The following TNN variants were observed in gnomAD, a reference collection of about 807,000 sequenced individuals.
TNN encodes tenascin-N.
A neutral mutation model predicts 134.4 loss-of-function variants in TNN; 122 were observed. The ratio of observed to expected loss-of-function variants is 0.91; its 90% confidence interval spans 0.78 to 1.06. The LOEUF (loss-of-function observed/expected upper bound fraction) is 1.06. Ranked by LOEUF, TNN falls within the 50% of genes least tolerant of loss-of-function variation. The pLI is 0.00. For synonymous variants in TNN, 710 were observed against 670.3 expected, an observed-to-expected ratio of 1.06 and a Z score of -0.91; for missense variants, 1,739 against 1,699.4, an observed-to-expected ratio of 1.02 and a Z score of -0.41.
Position 175,077,709 on chromosome 1 carries a change from G to A in TNN, c.291G>A (p.Lys97=). ...RHNIRLQTPQ[K]DCELAGSVQD... ...ACATCCGCCTTCAGACGCCACAGAAGGACTGCGAGTTGGCAGGCAGTGTCC... is the reference window on the plus strand; with the variant it reads ...ACATCCGCCTTCAGACGCCACAGAAAGACTGCGAGTTGGCAGGCAGTGTCC... Residue 97 remains lysine, a synonymous_variant, in exon 2 of 19, where the codon AAG becomes AAA. Coordinates refer to ENST00000239462, the MANE Select transcript of TNN (RefSeq NM_022093.2). 1 of 1,614,240 alleles carries A rather than the reference G, an allele frequency of 6.2e-7. No individual in the cohort carries two copies. Among genetic ancestry groups the A allele is most frequent in the Non-Finnish European group, 8.5e-7 (1 of 1,180,048 alleles).
chr1:175,112,245 A>G (rs1675046138), intron 9 of TNN, among the ~76,000 whole-genome samples: 1 of 151,200 alleles, frequency 6.6e-6, no homozygotes, highest in Non-Finnish European at 1.5e-5. Flanking sequence ...TATTGAGATG[A>G]TATTTTTTTT....
intron 9 of TNN, among the ~76,000 whole-genome samples, chr1:175,100,710 TTG>T (rs1674700728): frequency 6.7e-6 from 1 of 149,206 alleles, no homozygotes; most frequent in East Asian, 1.9e-4. Flanking sequence ...GTTTTTTTTT[TTG>T]GTGAATGTAT....
In TNN at chr1:175,104,516, G is replaced by A. The variant is rs539355208; in HGVS notation, c.2119+5921G>A. On this transcript the variant is annotated intron_variant, in intron 9 of 18. Transcript: ENST00000239462. Reference sequence around the variant, plus strand: ...TAGTAAACCGCACTGATAACAAGCCGTACCAGGTGATTGGCCTGCTCCATT... The same window carrying A: ...TAGTAAACCGCACTGATAACAAGCCATACCAGGTGATTGGCCTGCTCCATT... Among the ~76,000 whole-genome samples, 17 of 145,812 alleles carry A rather than the reference G, an allele frequency of 1.2e-4. 1 individual carries two copies. Among genetic ancestry groups the A allele is most frequent in the Middle Eastern group, 7.0e-3 (2 of 284 alleles).
intron 6 of TNN, among the ~76,000 whole-genome samples, chr1:175,090,178 T>C (rs1674408653): frequency 6.6e-6 from 1 of 152,220 alleles, no homozygotes; most frequent in African/African-American, 2.4e-5. Context: ...AGACTCAGGG[T>C]GAGCTAGTGA....
chr1:175,144,072 G>A (rs912251461), intron 17 of TNN, among the ~76,000 whole-genome samples: 1 of 152,172 alleles, frequency 6.6e-6, no homozygotes, highest in Admixed American at 6.5e-5. Context: ...GTGCTCTTGT[G>A]TGTGGTGTGG....
chr1:175,084,547 A>G (rs1272706007), intron 5 of TNN, among the ~76,000 whole-genome samples: 2 of 152,198 alleles, frequency 1.3e-5, no homozygotes, highest in African/African-American at 2.4e-5. Context: ...AAGAAAAGTA[A>G]TACGCAATCA....
In TNN at chr1:175,128,155, C is replaced by T. The variant is rs372157573; in HGVS notation, c.3169C>T (p.Leu1057Phe). 6.2e-7 allele frequency: 1 copy of T among 1,605,496 alleles called. No homozygotes were observed. The highest frequency in any genetic ancestry group is 8.5e-7 in the Non-Finnish European group (1 of 1,175,944). The part of the protein sequence containing the change: ...GRRSRNVSTT[L>F]STVGARFPHP... ...CCGGAGCAGAAATGTATCCACCACC[C>T]TCTCCACAGGTAATATGGAATCCTG... Residue 1057 changes from leucine (L) to phenylalanine (F), a missense_variant, in exon 14 of 19, where the codon CTC becomes TTC. Physicochemically the swap from Leu to Phe is conservative, Grantham distance 22. Transcript: ENST00000239462.
At chr1:175,131,445 TC>T (rs1018965174) in intron 15 of TNN, among the ~76,000 whole-genome samples, 39 of 150,044 alleles carry the variant, frequency 2.6e-4, no homozygotes, top group African/African-American at 9.4e-4. Context: ...TGTTTGTTTT[TC>T]TCCCTTTGAA....
At chr1:175,089,307 G>A (rs945925680) in intron 6 of TNN, among the ~76,000 whole-genome samples, 2 of 152,198 alleles carry the variant, frequency 1.3e-5, no homozygotes, top group East Asian at 1.9e-4. Flanking sequence ...TTCATGTAAC[G>A]AGGCACCCAG....
At chr1:175,127,917 C>A in intron 13 of TNN, 115 bp from the exon 14 acceptor site, 1 of 1,298,722 alleles carries the variant, frequency 7.7e-7, no homozygotes, top group Non-Finnish European at 1.1e-6. Flanking sequence ...AGAGACAAAA[C>A]ACTGTGCTCT....
At chr1:175,120,915 C>A in intron 11 of TNN, among the ~76,000 whole-genome samples, 1 of 152,210 alleles carries the variant, frequency 6.6e-6, no homozygotes, top group East Asian at 1.9e-4. Context: ...ATCCTCCCAC[C>A]TTAGCTTCCC....
intron 10 of TNN, among the ~76,000 whole-genome samples, chr1:175,117,842 G>A (rs1675224155): frequency 6.6e-6 from 1 of 152,162 alleles, no homozygotes; most frequent in Admixed American, 6.5e-5. Flanking sequence ...ATAGCAGAGT[G>A]TACGTTGGCC....
chr1:175,120,327 T>C (rs1350281726), intron 11 of TNN, among the ~76,000 whole-genome samples: 1 of 152,106 alleles, frequency 6.6e-6, no homozygotes, highest in Non-Finnish European at 1.5e-5. Context: ...ATGAACATGG[T>C]GTAGGTATAG....
At chr1:175,146,714 T>C (rs1000186204) in intron 18 of TNN, among the ~76,000 whole-genome samples, 2 of 151,926 alleles carry the variant, frequency 1.3e-5, no homozygotes, top group African/African-American at 4.8e-5. Context: ...CCAAGTCCTC[T>C]CAGCCCGTCT....
At position 175,118,627 on chromosome 1, in the gene TNN, A is replaced by C; in HGVS notation, c.2453A>C (p.Asp818Ala). The stretch of plus-strand genomic sequence containing the variant: ...GAGAATACAGCCACTGTCTCCTGGG[A>C]CCCGGTGCAGGCCACCATTGACAGG... Reference protein sequence around the residue: ...VTENTATVSWDPVQATIDRYV... With the variant: ...VTENTATVSWAPVQATIDRYV... The change falls in exon 11 of 19, where the codon GAC (aspartate) becomes GCC (alanine). Residue 818 changes from aspartate to alanine, a missense_variant. Physicochemically the swap from Asp to Ala is moderately radical, Grantham distance 126 (BLOSUM62 -2). Transcript: ENST00000239462. 1 of 1,614,058 alleles carries C rather than the reference A, an allele frequency of 6.2e-7. No individual in the cohort carries two copies. Among genetic ancestry groups the C allele is most frequent in the Non-Finnish European group, 8.5e-7 (1 of 1,180,010 alleles).
chr1:175,099,869 G>A (rs1674676202), intron 9 of TNN, among the ~76,000 whole-genome samples: 1 of 151,986 alleles, frequency 6.6e-6, no homozygotes, highest in Non-Finnish European at 1.5e-5. Context: ...GTCTTCCACT[G>A]GTCTCTTACT....
chr1:175,137,089 G>A, intron 17 of TNN, 101 bp downstream of exon 17: 1 of 1,274,774 alleles, frequency 7.8e-7, no homozygotes, highest in Non-Finnish European at 1.1e-6. Flanking sequence ...ATATTATTCT[G>A]TGGAGGTGAA....
chr1:175,132,639 T>G (rs925573211), intron 15 of TNN, among the ~76,000 whole-genome samples: 1 of 152,236 alleles, frequency 6.6e-6, no homozygotes, highest in Non-Finnish European at 1.5e-5. Flanking sequence ...TCTTATGAAG[T>G]AGGCTCTTCT....
At chr1:175,072,926 C>CTTTTTTT (rs60879960) in intron 1 of TNN, among the ~76,000 whole-genome samples, 138 of 46,774 alleles carry the variant, frequency 3.0e-3, no homozygotes, top group Admixed American at 9.0e-3. Flanking sequence ...GAGTCCACGG[C>CTTTTTTT]TTTTTTTTTT....
Sources: allele counts gnomAD v4.1 joint callset (sites outside exome capture counted in the v4.1 genomes callset), GRCh38; gene constraint gnomAD v4.1.1; transcripts MANE v1.5; gene names NCBI Gene and HGNC (gene_info 2026-07-23, HGNC 2026-07-21).